TEX15: variants seen among roughly 807,000 people sequenced by gnomAD.
TEX15 encodes testis expressed 15, meiosis and synapsis associated.
A neutral mutation model predicts 237.3 loss-of-function variants in TEX15; 171 were observed. That is an observed-to-expected ratio of 0.72 (90% CI 0.64 to 0.82). The LOEUF is 0.82. TEX15 is among the 40% of genes least tolerant of loss of function. TEX15 has a pLI of 0.00. For synonymous variants in TEX15, 1,338 were observed against 1,269.8 expected (o/e 1.05, Z -1.14); for missense variants, 3,750 against 3,646.5 (o/e 1.03, Z -0.73).
chr8:30,875,023 T>C lies in TEX15; in HGVS notation c.216A>G (p.Val72=). The change falls in exon 4 of 11, where the codon GTA becomes GTG. Residue 72 remains valine, a synonymous_variant. Coordinates refer to ENST00000643185, the MANE Select transcript of TEX15 (RefSeq NM_001350162.2). ...HDTLNQCRLD[V]NCDLQSLWQF... ...GCCATAACGACTGCAGATCACAGTT[T>C]ACATCAAGCCTGCACTGGTTAAGAG... 7.2e-7 allele frequency: 1 copy of C among 1,397,838 alleles called. No individual in the cohort carries two copies. The highest frequency in any genetic ancestry group is 9.3e-7 in the Non-Finnish European group (1 of 1,074,908). The allele number at this position is 1,397,838 out of a possible 1,614,324, so 86.6% of individuals were successfully genotyped here. A position where few individuals can be genotyped will look rare whatever the true frequency, so the allele number is the denominator to read the frequency against.
chr8:30,838,093 T>C, intron 9 of TEX15, 32 bp from the exon 10 acceptor site: 1 of 1,520,962 alleles, frequency 6.6e-7, no homozygotes, highest in Non-Finnish European at 8.8e-7. Flanking sequence ...TAAAAATGAA[T>C]TTAAATATAT....
intron 1 of TEX15, among the ~76,000 whole-genome samples, chr8:30,901,771 A>G (rs576172760): frequency 6.6e-6 from 1 of 152,328 alleles, no homozygotes; most frequent in Non-Finnish European, 1.5e-5. Context: ...AAGTTTTCAA[A>G]GTCTGAAAAA....
Position 30,844,454 on chromosome 8 carries a change from T to C in TEX15, c.5713A>G (p.Thr1905Ala), listed in dbSNP as rs1244632217. Reference sequence around the variant, plus strand: ...TTCTTCAAAGGGACTGACTCAGTGGTAGTATTTTTAGTGCTCAGATGGGAA... The same window carrying C: ...TTCTTCAAAGGGACTGACTCAGTGGCAGTATTTTTAGTGCTCAGATGGGAA... Reference protein sequence around the residue: ...IDSHLSTKNTTTESVPLKNTV... With the variant: ...IDSHLSTKNTATESVPLKNTV... Residue 1905 changes from threonine to alanine, a missense_variant, in exon 8 of 11, where the codon ACC (threonine) becomes GCC (alanine). Coordinates refer to ENST00000643185, the MANE Select transcript of TEX15 (RefSeq NM_001350162.2). 2.4e-5 allele frequency: 39 copies of C among 1,613,136 alleles called. No individual in the cohort carries two copies. The highest frequency in any genetic ancestry group is 3.1e-5 in the Non-Finnish European group (36 of 1,179,578).
intron 2 of TEX15, among the ~76,000 whole-genome samples, chr8:30,895,557 TC>T (rs1431396256): frequency 6.6e-6 from 1 of 150,798 alleles, no homozygotes; most frequent in East Asian, 1.9e-4. Context: ...AAGTATTAGA[TC>T]TTTTTTTTTT....
In TEX15 at chr8:30,842,230, C is replaced by T. The variant is rs2128767086; in HGVS notation, c.7937G>A (p.Arg2646Lys). ...FFLCQMLYNR[R>K]KILQLKRKEK... ...TTTTCTCTTCAGCTGTAAAATCTTC[C>T]TTCTGTTATACAGCATTTGGCATAG... is the stretch of plus-strand genomic sequence containing the variant. The change falls in exon 8 of 11, where the codon AGG (arginine) becomes AAG (lysine). Residue 2646 changes from arginine (R) to lysine (K), a missense_variant. Arg to Lys is a conservative substitution (Grantham distance 26). Transcript: ENST00000643185. 2 of 1,612,530 alleles carry T rather than the reference C, an allele frequency of 1.2e-6. No homozygotes were observed. The highest frequency in any genetic ancestry group is 1.1e-5 in the South Asian group (1 of 90,670).
At chr8:30,895,676 C>CTTT (rs34002027) in intron 2 of TEX15, among the ~76,000 whole-genome samples, 104 of 60,048 alleles carry the variant, frequency 1.7e-3, no homozygotes, top group Non-Finnish European at 2.4e-3. Context: ...TAAACACATG[C>CTTT]TTTTTTTTTT....
At chr8:30,850,594 C>A (rs1257306196) in intron 7 of TEX15, among the ~76,000 whole-genome samples, 1 of 151,918 alleles carries the variant, frequency 6.6e-6, no homozygotes, top group Non-Finnish European at 1.5e-5. Flanking sequence ...AATATGACCA[C>A]ATATGAAGAG....
At chr8:30,899,438 C>T (rs756629846) in intron 1 of TEX15, among the ~76,000 whole-genome samples, 5 of 152,046 alleles carry the variant, frequency 3.3e-5, no homozygotes, top group Admixed American at 6.6e-5. Context: ...ATTCAAACTC[C>T]GTTCTTTTTG....
rs1807970208 is a variant in TEX15, at chr8:30,858,746, A to G, written c.772T>C (p.Phe258Leu). The change falls in exon 7 of 11, where the codon TTT (phenylalanine) becomes CTT (leucine). Residue 258 changes from phenylalanine (F) to leucine (L), a missense_variant. Physicochemically the swap from Phe to Leu is conservative, Grantham distance 22 (BLOSUM62 0). Coordinates refer to ENST00000643185, the MANE Select transcript of TEX15 (RefSeq NM_001350162.2). Reference protein sequence around the residue: ...CLPYAVVTVKFLGSKVDNGRL... With the variant: ...CLPYAVVTVKLLGSKVDNGRL... ...CCATTATCTACTTTTGAACCAAGAA[A>G]TTTTACTGTTACTACAGCATATGGA... 3.3e-6 allele frequency: 5 copies of G among 1,535,646 alleles called. 1 individual carries two copies. The highest frequency in any genetic ancestry group is 4.4e-6 in the Non-Finnish European group (5 of 1,146,680).
chr8:30,847,797 T>A lies in TEX15; in HGVS notation c.2370A>T (p.Thr790=). The A allele has an allele frequency of 6.2e-7, 1 of 1,613,870 alleles. No individual in the cohort carries two copies. The highest frequency in any genetic ancestry group is 8.5e-7 in the Non-Finnish European group (1 of 1,179,950). The part of the protein sequence containing the change: ...DTVISSYNIE[T]AHDSSNCSIT... The stretch of plus-strand genomic sequence containing the variant: ...TGCTGCAATTTGAACTGTCATGAGC[T>A]GTTTCTATGTTATAAGATGAAATAA... The change falls in exon 8 of 11, where the codon ACA becomes ACT. Residue 790 remains threonine (T), a synonymous_variant. Coordinates refer to ENST00000643185, the MANE Select transcript of TEX15 (RefSeq NM_001350162.2).
intron 7 of TEX15, among the ~76,000 whole-genome samples, chr8:30,855,635 C>A (rs1469421348): frequency 6.6e-6 from 1 of 152,118 alleles, no homozygotes; most frequent in African/African-American, 2.4e-5. Context: ...CATGTAAAAA[C>A]TTGTATGCGA....
Position 30,844,342 on chromosome 8 carries a change from G to C in TEX15, c.5825C>G (p.Ser1942Ter). The change falls in exon 8 of 11, where the codon TCA becomes TGA. Residue 1942 changes from serine to a stop codon, truncating the protein, a stop_gained. Coordinates refer to ENST00000643185, the MANE Select transcript of TEX15 (RefSeq NM_001350162.2). LOFTEE classifies it high-confidence loss of function. The part of the protein sequence containing the change: ...KDSQSDLTLH[S>*]EIAYISKPGI... The stretch of plus-strand genomic sequence containing the variant: ...TGGTTTGGAAATATAGGCTATTTCT[G>C]AATGTAATGTCAAGTCAGACTGCGA... 1 of 1,612,222 alleles carries C rather than the reference G, an allele frequency of 6.2e-7. No individual in the cohort carries two copies. Among genetic ancestry groups the C allele is most frequent in the African/African-American group, 1.3e-5 (1 of 74,940 alleles).
intron 5 of TEX15, 30 bp from the exon 6 acceptor site, chr8:30,860,087 C>T (rs539125528): frequency 1.5e-5 from 21 of 1,426,722 alleles, no homozygotes; most frequent in South Asian, 1.2e-4. Flanking sequence ...AAAAAAAGTA[C>T]GTAAAAATAT....
chr8:30,848,156 TCTCA>T lies in TEX15; in HGVS notation c.2007_2010del (p.Ser669ArgfsTer14). Reference sequence around the variant, plus strand: ...CAGCTTTTCCCAAAAGAATTATGACTCTCACTCTCTTTGTATTCTTGGTGCAAAA... The same window carrying T: ...CAGCTTTTCCCAAAAGAATTATGACTCTCTCTTTGTATTCTTGGTGCAAAA... On this transcript the variant is annotated frameshift_variant, in exon 8 of 11. Transcript: ENST00000643185. LOFTEE classifies it high-confidence loss of function. 3.1e-6 allele frequency: 5 copies of T among 1,610,694 alleles called. No homozygotes were observed. The highest frequency in any genetic ancestry group is 4.2e-6 in the Non-Finnish European group (5 of 1,179,048).
At chr8:30,891,481 ACCC>A (rs1287647644) in intron 2 of TEX15, among the ~76,000 whole-genome samples, 1 of 144,012 alleles carries the variant, frequency 6.9e-6, no homozygotes, top group African/African-American at 2.5e-5. Flanking sequence ...TTCTCCCCGC[ACCC>A]CCCCTTTTTT....
chr8:30,847,557 A>AT lies in TEX15; in HGVS notation c.2609dup (p.Asn870LysfsTer2). ...TGTTGTTTTCTACACATGAAGCACT[A>AT]TTCTCTTTAGCCTCATTTTGGTTTT... On this transcript the variant is annotated frameshift_variant, in exon 8 of 11. Coordinates refer to ENST00000643185, the MANE Select transcript of TEX15 (RefSeq NM_001350162.2). LOFTEE classifies it high-confidence loss of function. The AT allele has an allele frequency of 6.2e-7, 1 of 1,613,016 alleles. No homozygotes were observed. The highest frequency in any genetic ancestry group is 1.3e-5 in the African/African-American group (1 of 75,000).
In TEX15 at chr8:30,847,532, T is replaced by G; in HGVS notation, c.2635A>C (p.Ile879Leu). Residue 879 changes from isoleucine (I) to leucine (L), a missense_variant, in exon 8 of 11, where the codon ATA (isoleucine) becomes CTA (leucine). Coordinates refer to ENST00000643185, the MANE Select transcript of TEX15 (RefSeq NM_001350162.2). ...ENSASCVENN[I>L]ENIYGDKKQD... ...TTTTTGTCTCCATATATGTTCTCTATGTTGTTTTCTACACATGAAGCACTA... is the reference window on the plus strand; with the variant it reads ...TTTTTGTCTCCATATATGTTCTCTAGGTTGTTTTCTACACATGAAGCACTA... 1.2e-6 allele frequency: 2 copies of G among 1,613,326 alleles called. No individual in the cohort carries two copies. The highest frequency in any genetic ancestry group is 8.5e-7 in the Non-Finnish European group (1 of 1,179,874).
intron 10 of TEX15, among the ~76,000 whole-genome samples, chr8:30,835,587 C>T (rs1807272845): frequency 6.6e-6 from 1 of 151,960 alleles, no homozygotes; most frequent in African/African-American, 2.4e-5. Flanking sequence ...AAAGAATTAT[C>T]TTGCATTTCT....
rs148638115 is a variant in TEX15, at chr8:30,897,332, A to G, written c.-10+1410T>C. Among the ~76,000 whole-genome samples, 100 of 152,322 alleles carry G rather than the reference A, an allele frequency of 6.6e-4. 1 individual carries two copies. Among genetic ancestry groups the G allele is most frequent in the African/African-American group, 2.2e-3 (90 of 41,574 alleles). On this transcript the variant is annotated intron_variant, in intron 2 of 10. Transcript: ENST00000643185. ...ATCTACATTTTCTCTGTGGCTCCAC[A>G]TATAGGCATATGCAAGAAATTGTAC... is the stretch of plus-strand genomic sequence containing the variant.
Sources: allele counts gnomAD v4.1 joint callset (sites outside exome capture counted in the v4.1 genomes callset), GRCh38; gene constraint gnomAD v4.1.1; transcripts MANE v1.5; gene names NCBI Gene and HGNC (gene_info 2026-07-23, HGNC 2026-07-21).